Variants in SHISA9 observed in about 807,000 individuals in gnomAD.
SHISA9 encodes protein shisa-9.
SHISA9 carries 13 observed loss-of-function variants against 38.0 expected under a neutral mutation model. That is an observed-to-expected ratio of 0.34 (90% CI 0.22 to 0.54). The LOEUF is 0.54. Among genes scored for constraint, SHISA9 ranks in the 20% least tolerant of loss-of-function variants. SHISA9 has a pLI of 0.91. For missense variants in SHISA9, 538 were observed against 575.8 expected (o/e 0.93, Z 0.67); for synonymous variants, 275 against 242.0 (o/e 1.14, Z -1.27).
rs568835958 is a variant in SHISA9, at chr16:13,038,807, C to G, written c.691+121992C>G. Among the ~76,000 whole-genome samples, 9 of 152,272 alleles carry G rather than the reference C, an allele frequency of 5.9e-5. No homozygotes were observed. In the South Asian group the frequency reaches 1.9e-3, roughly 32 times the overall value. ...GACTACATATCATGTCAATTTTGCC[C>G]ACTACTGAATTACTAGTGTCTGACA... On this transcript the variant is annotated intron_variant, in intron 2 of 4. Transcript: ENST00000558583.
intron 2 of SHISA9, among the ~76,000 whole-genome samples, chr16:12,927,529 G>T (rs932531925): frequency 6.6e-6 from 1 of 152,004 alleles, no homozygotes; most frequent in African/African-American, 2.4e-5. Context: ...CTCTCAAGTA[G>T]CTGGGGCCAC....
At chr16:13,488,862 C>G in the SHISA9 span, among the ~76,000 whole-genome samples, 1 of 152,138 alleles carries the variant, frequency 6.6e-6, no homozygotes, top group Non-Finnish European at 1.5e-5. Flanking sequence ...CCCGGGCTCA[C>G]GCCATTCTCC....
the SHISA9 span, among the ~76,000 whole-genome samples, chr16:13,470,402 T>C: frequency 2.0e-5 from 3 of 152,180 alleles, no homozygotes; most frequent in Non-Finnish European, 4.4e-5. Context: ...CTGGGTAGTT[T>C]ATGAAGGAAA....
intron 1 of SHISA9, among the ~76,000 whole-genome samples, chr16:12,914,646 C>T (rs1380448055): frequency 1.3e-5 from 2 of 152,100 alleles, no homozygotes; most frequent in East Asian, 1.9e-4. Flanking sequence ...ACGTAAAGTC[C>T]CTATGTAATC....
At chr16:13,467,872 G>A in the SHISA9 span, among the ~76,000 whole-genome samples, 1 of 152,302 alleles carries the variant, frequency 6.6e-6, no homozygotes, top group African/African-American at 2.4e-5. Context: ...TGGTTAAAAA[G>A]TGGAAACACT....
chr16:13,104,329 C>G (rs1248281574), intron 2 of SHISA9, among the ~76,000 whole-genome samples: 1 of 151,998 alleles, frequency 6.6e-6, no homozygotes, highest in African/African-American at 2.4e-5. Context: ...ACTATACGAC[C>G]CAGCGATTTC....
chr16:13,385,757 G>C, the SHISA9 span, among the ~76,000 whole-genome samples: 17 of 138,744 alleles, frequency 1.2e-4, no homozygotes, highest in East Asian at 1.2e-3. Context: ...CCATGAAATA[G>C]TACTCAGCAA....
At chr16:12,917,167 A>G (rs1039314534) in intron 2 of SHISA9, among the ~76,000 whole-genome samples, 2 of 152,164 alleles carry the variant, frequency 1.3e-5, no homozygotes, top group African/African-American at 4.8e-5. Flanking sequence ...GGGTTAGTTC[A>G]TTTTAGCTAG....
intron 2 of SHISA9, among the ~76,000 whole-genome samples, chr16:13,106,036 G>T (rs898445846): frequency 9.9e-5 from 15 of 152,050 alleles, no homozygotes; most frequent in African/African-American, 3.6e-4. Context: ...TGTCCCTGCA[G>T]CCCTATGCCA....
chr16:12,924,229 G>A (rs757085610), intron 2 of SHISA9, among the ~76,000 whole-genome samples: 4 of 152,176 alleles, frequency 2.6e-5, no homozygotes, highest in Non-Finnish European at 4.4e-5. Context: ...AGGGAAAGGC[G>A]AGGTAGACGG....
At chr16:13,279,404 T>C in the SHISA9 span, among the ~76,000 whole-genome samples, 1 of 152,008 alleles carries the variant, frequency 6.6e-6, no homozygotes, top group Non-Finnish European at 1.5e-5. Context: ...ATCTGTTATG[T>C]CCATTTGTTC....
intron 2 of SHISA9, among the ~76,000 whole-genome samples, chr16:13,018,866 A>G (rs1329497632): frequency 6.6e-6 from 1 of 152,228 alleles, no homozygotes; most frequent in East Asian, 1.9e-4. Flanking sequence ...TATGATGCAG[A>G]TGGTCCCAGA....
intron 4 of SHISA9, among the ~76,000 whole-genome samples, chr16:13,229,654 G>T (rs934465413): frequency 2.0e-5 from 3 of 152,200 alleles, no homozygotes; most frequent in Non-Finnish European, 4.4e-5. Context: ...TCCATGTACT[G>T]CCAGGACTGA....
At chr16:13,457,751 C>G in the SHISA9 span, among the ~76,000 whole-genome samples, 1 of 152,018 alleles carries the variant, frequency 6.6e-6, no homozygotes, top group East Asian at 1.9e-4. Flanking sequence ...TGTTGCCACC[C>G]TTTATGCTTA....
chr16:13,394,154 A>C, the SHISA9 span, among the ~76,000 whole-genome samples: 10 of 152,310 alleles, frequency 6.6e-5, no homozygotes, highest in South Asian at 2.1e-3. Flanking sequence ...ACCATCTGCC[A>C]TGAGAAAAAC....
intron 2 of SHISA9, among the ~76,000 whole-genome samples, chr16:12,972,082 T>TGTGTGTGTGTGTGG (rs59625008): frequency 7.0e-6 from 1 of 143,852 alleles, no homozygotes. Context: ...TGTGTGTGTG[T>TGTGTGTGTGTGTGG]TGAGAGGGGC....
chr16:13,309,332 T>G, the SHISA9 span, among the ~76,000 whole-genome samples: 1 of 152,076 alleles, frequency 6.6e-6, no homozygotes, highest in African/African-American at 2.4e-5. Context: ...ATCCTGCACA[T>G]GTACCCTGGA....
At chr16:13,516,010 T>C in the SHISA9 span, among the ~76,000 whole-genome samples, 1 of 152,230 alleles carries the variant, frequency 6.6e-6, no homozygotes, top group Non-Finnish European at 1.5e-5. Context: ...CCTATGTCTT[T>C]CCATATTCCA....
At chr16:13,042,131 A>G (rs2073138964) in intron 2 of SHISA9, among the ~76,000 whole-genome samples, 1 of 152,178 alleles carries the variant, frequency 6.6e-6, no homozygotes, top group Non-Finnish European at 1.5e-5. Flanking sequence ...ATTATTGCCA[A>G]GCTGTTCCCT....
Sources: allele counts gnomAD v4.1 joint callset (sites outside exome capture counted in the v4.1 genomes callset), GRCh38; gene constraint gnomAD v4.1.1; transcripts MANE v1.5; gene names NCBI Gene and HGNC (gene_info 2026-07-23, HGNC 2026-07-21).